The following MED9 variants were observed in gnomAD, a reference collection of about 807,000 sequenced individuals.
MED9 encodes mediator of RNA polymerase II transcription subunit 9.
In MED9, 8 loss-of-function variants were observed where a neutral mutation model predicts 13.2. The observed-to-expected ratio is 0.61, with a 90% CI of 0.36 to 1.10. MED9 has a LOEUF of 1.10. MED9 is among the 50% of genes least tolerant of loss of function. MED9 has a pLI of 0.02. For synonymous variants in MED9, 87 were observed against 82.8 expected (o/e 1.05, Z -0.28); for missense variants, 180 against 193.4 (o/e 0.93, Z 0.41).
intron 1 of MED9, among the ~76,000 whole-genome samples, chr17:17,490,946 G>A (rs1905215887): frequency 6.6e-6 from 1 of 152,202 alleles, no homozygotes; most frequent in African/African-American, 2.4e-5. Flanking sequence ...TTGAGTGCCT[G>A]TAGTGACCTA....
Position 17,483,371 on chromosome 17 carries a change from A to G in MED9, c.224+6106A>G, listed in dbSNP as rs868850620. The stretch of plus-strand genomic sequence containing the variant: ...GAATAACCCAACACAAAGCCCACAG[A>G]GGGTCCTCTTGCTGCAGGTGCTGTT... On this transcript the variant is annotated intron_variant, in intron 1 of 1. Transcript: ENST00000268711. This position sits in a 1 kb window ranked among gnomAD's most constrained non-coding sequence, Gnocchi z 4.2. Among the ~76,000 whole-genome samples, 25 of 152,212 alleles carry G rather than the reference A, an allele frequency of 1.6e-4. No individual in the cohort carries two copies. Among genetic ancestry groups the G allele is most frequent in the African/African-American group, 6.0e-4 (25 of 41,452 alleles).
intron 1 of MED9, among the ~76,000 whole-genome samples, chr17:17,478,951 G>A (rs1049843302): frequency 6.6e-6 from 1 of 152,094 alleles, no homozygotes; most frequent in Non-Finnish European, 1.5e-5. Context: ...TACATATGGA[G>A]CCCCTGTAAT....
Position 17,486,617 on chromosome 17 carries a change from G to A in MED9, c.225-4662G>A, listed in dbSNP as rs183157469. 6.1e-3 allele frequency: 941 copies of A among 155,498 alleles called. 8 individuals are homozygous for A. The highest frequency in any genetic ancestry group is 0.021 in the African/African-American group (890 of 41,610). The allele number at this position is 155,498 out of a possible 1,614,324, so 9.6% of individuals were successfully genotyped here. On this transcript the variant is annotated intron_variant, in intron 1 of 1. Transcript: ENST00000268711. ...CAGCAGGGCTCGGGACCTGCAGCCC[G>A]CCATGCCTGAGCCTCCCACCCACTC...
chr17:17,478,166 T>C (rs1326943412), intron 1 of MED9, among the ~76,000 whole-genome samples: 2 of 152,188 alleles, frequency 1.3e-5, no homozygotes, highest in East Asian at 3.9e-4. Context: ...CAGCGAATTT[T>C]TGTATTTTTT....
In MED9 at chr17:17,491,596, T is replaced by C; in HGVS notation, c.*101T>C. 1 of 1,145,308 alleles carries C rather than the reference T, an allele frequency of 8.7e-7. No homozygotes were observed. The highest frequency in any genetic ancestry group is 1.3e-6 in the Non-Finnish European group (1 of 790,030). The allele number at this position is 1,145,308 out of a possible 1,614,324, so 70.9% of individuals were successfully genotyped here. A position where few individuals can be genotyped will look rare whatever the true frequency, so the allele number is the denominator to read the frequency against. On this transcript the variant is annotated 3_prime_UTR_variant, in exon 2 of 2. Transcript: ENST00000268711. ...GGGCGTGGTTCCTGTGGACCCCAGC[T>C]CAGCTCGTCAAGCTGCAGGGGCGGG...
At chr17:17,482,574 C>A (rs1905049713) in intron 1 of MED9, among the ~76,000 whole-genome samples, 1 of 152,054 alleles carries the variant, frequency 6.6e-6, no homozygotes, top group Non-Finnish European at 1.5e-5. Context: ...TGACTTTGTT[C>A]ATAGTCATGG....
In MED9 at chr17:17,491,477, C is replaced by A; in HGVS notation, c.423C>A (p.Phe141Leu). 2 of 1,613,010 alleles carry A rather than the reference C, an allele frequency of 1.2e-6. No individual in the cohort carries two copies. Among genetic ancestry groups the A allele is most frequent in the South Asian group, 2.2e-5 (2 of 91,018 alleles). Residue 141 changes from phenylalanine to leucine, a missense_variant, in exon 2 of 2, where the codon TTC (phenylalanine) becomes TTA (leucine). By Grantham distance (22) the Phe-to-Leu change is conservative (BLOSUM62 0). Coordinates refer to ENST00000268711, the MANE Select transcript of MED9 (RefSeq NM_018019.3). ...LLQKYKSLCM[F>L]EIPKE ...AAAAGTACAAGAGCCTCTGCATGTTCGAAATCCCCAAGGAGTAGAGTGAGG... is the reference window on the plus strand; with the variant it reads ...AAAAGTACAAGAGCCTCTGCATGTTAGAAATCCCCAAGGAGTAGAGTGAGG...
At chr17:17,488,860 A>C (rs947139431) in intron 1 of MED9, among the ~76,000 whole-genome samples, 8 of 151,998 alleles carry the variant, frequency 5.3e-5, no homozygotes, top group African/African-American at 1.7e-4. Context: ...AAGAAACCAC[A>C]GTACCACAGT....
Position 17,483,868 on chromosome 17 carries a change from C to T in MED9, c.224+6603C>T, listed in dbSNP as rs531037400. Among the ~76,000 whole-genome samples the T allele has an allele frequency of 6.7e-5, 10 of 149,658 alleles. No homozygotes were observed. The highest frequency in any genetic ancestry group is 2.0e-4 in the African/African-American group (8 of 40,460). On this transcript the variant is annotated intron_variant, in intron 1 of 1. Coordinates refer to ENST00000268711, the MANE Select transcript of MED9 (RefSeq NM_018019.3). The surrounding 1 kb of genome is among the most constrained non-coding windows in gnomAD (Gnocchi z 4.2). ...AGGAGAATCGCTTGAACCCGGGAGG[C>T]GGAGGTTGCAGTGAGCCACGATCGC...
chr17:17,491,434 C>G lies in MED9; in HGVS notation c.380C>G (p.Thr127Ser), dbSNP rs1905225795. 2.5e-6 allele frequency: 4 copies of G among 1,613,980 alleles called. No individual in the cohort carries two copies. Among genetic ancestry groups the G allele is most frequent in the Admixed American group, 1.7e-5 (1 of 60,004 alleles). The stretch of plus-strand genomic sequence containing the variant: ...CAGAGCCTCCGGGAGCAAGTCAGGA[C>G]CAAGAATGAGCTTCTGCAAAAGTAC... ...QLQSLREQVR[T>S]KNELLQKYKS... Residue 127 changes from threonine (T) to serine (S), a missense_variant, in exon 2 of 2, where the codon ACC (threonine) becomes AGC (serine). Thr to Ser is a moderately conservative substitution (Grantham distance 58). Coordinates refer to ENST00000268711, the MANE Select transcript of MED9 (RefSeq NM_018019.3).
chr17:17,483,216 C>T lies in MED9; in HGVS notation c.224+5951C>T, dbSNP rs1905062184. ...AATCAGCATTTAATTAGTCTCTTTG[C>T]CTTTATGCTTATTTTATCTTGTGAA... On this transcript the variant is annotated intron_variant, in intron 1 of 1. Transcript: ENST00000268711. This position sits in a 1 kb window ranked among gnomAD's most constrained non-coding sequence, Gnocchi z 4.2. Among the ~76,000 whole-genome samples, 1 of 152,184 alleles carries T rather than the reference C, an allele frequency of 6.6e-6. No individual in the cohort carries two copies. The highest frequency in any genetic ancestry group is 2.1e-4 in the South Asian group (1 of 4,834).
intron 1 of MED9, among the ~76,000 whole-genome samples, chr17:17,489,034 T>C (rs1389020744): frequency 6.6e-6 from 1 of 152,220 alleles, no homozygotes; most frequent in Non-Finnish European, 1.5e-5. Flanking sequence ...TATTTGGTCC[T>C]GTCCCTTTTC....
rs1399570406 is a variant in MED9, at chr17:17,491,811, A to G, written c.*316A>G. ...CTCCCCTGCCTCTGGGGAGGGGGCCATCTGCTGCGCCCGGCCCCACTGACA... is the reference window on the plus strand; with the variant it reads ...CTCCCCTGCCTCTGGGGAGGGGGCCGTCTGCTGCGCCCGGCCCCACTGACA... On this transcript the variant is annotated 3_prime_UTR_variant, in exon 2 of 2. Transcript: ENST00000268711. 2.6e-6 allele frequency: 1 copy of G among 383,010 alleles called. No homozygotes were observed. Among genetic ancestry groups the G allele is most frequent in the East Asian group, 6.1e-5 (1 of 16,324 alleles). 23.7% of individuals were successfully genotyped at this position (383,010 alleles called of 1,614,324 possible).
At chr17:17,489,193 G>A (rs1483046380) in intron 1 of MED9, among the ~76,000 whole-genome samples, 1 of 152,214 alleles carries the variant, frequency 6.6e-6, no homozygotes, top group African/African-American at 2.4e-5. Flanking sequence ...GGGCTGCATG[G>A]CCCCTTTTGG....
intron 1 of MED9, among the ~76,000 whole-genome samples, chr17:17,484,429 C>T (rs1905088817): frequency 6.6e-6 from 1 of 152,244 alleles, no homozygotes; most frequent in African/African-American, 2.4e-5. Flanking sequence ...CCCAGCCAGA[C>T]CTCTTTTGTG....
Position 17,480,110 on chromosome 17 carries a change from C to A in MED9, c.224+2845C>A, listed in dbSNP as rs370016789. The stretch of plus-strand genomic sequence containing the variant: ...CTTGGCAGATGGTTAAAAGGTTACT[C>A]TCCCGAGATTTATTCTTAGGAAGGA... On this transcript the variant is annotated intron_variant, in intron 1 of 1. Coordinates refer to ENST00000268711, the MANE Select transcript of MED9 (RefSeq NM_018019.3). Among the ~76,000 whole-genome samples, 15 of 152,302 alleles carry A rather than the reference C, an allele frequency of 9.8e-5. No homozygotes were observed. In the South Asian group the frequency reaches 3.1e-3, roughly 32 times the overall value.
At chr17:17,478,947 T>C (rs1345142827) in intron 1 of MED9, among the ~76,000 whole-genome samples, 1 of 152,126 alleles carries the variant, frequency 6.6e-6, no homozygotes, top group Non-Finnish European at 1.5e-5. Flanking sequence ...GAAATACATA[T>C]GGAGCCCCTG....
At chr17:17,481,095 G>A (rs1905025908) in intron 1 of MED9, among the ~76,000 whole-genome samples, 1 of 152,206 alleles carries the variant, frequency 6.6e-6, no homozygotes, top group Non-Finnish European at 1.5e-5. Context: ...TGGCTGGGGA[G>A]GAGGGAAGAG....
At position 17,491,887 on chromosome 17, in the gene MED9, C is replaced by T. The variant is rs1207306446; in HGVS notation, c.*392C>T. 6.9e-6 allele frequency: 2 copies of T among 287,856 alleles called. No individual in the cohort carries two copies. The highest frequency in any genetic ancestry group is 6.8e-6 in the Non-Finnish European group (1 of 147,462). 17.8% of individuals were successfully genotyped at this position (287,856 alleles called of 1,614,324 possible). On this transcript the variant is annotated 3_prime_UTR_variant, in exon 2 of 2. Transcript: ENST00000268711. ...AGGCGGCTCCTCTTTGCTTCCTTCC[C>T]TCTCTCTCCTCCCACCCCCATAGGA...
Sources: gnomAD v4.1 joint callset for allele counts (sites outside exome capture counted in the v4.1 genomes callset) on GRCh38, gnomAD v4.1.1 for gene constraint, Gnocchi (gnomAD v3.1) non-coding constraint, MANE v1.5 for transcripts, NCBI Gene and HGNC (gene_info 2026-07-23, HGNC 2026-07-21) for gene names.